Variants in APBB2 observed in about 807,000 individuals in gnomAD.
APBB2 encodes Fe65-like 1.
APBB2 carries 38 observed loss-of-function variants against 82.5 expected under a neutral mutation model. The observed-to-expected ratio is 0.46, with a 90% CI of 0.36 to 0.60. The LOEUF (loss-of-function observed/expected upper bound fraction) is 0.60. APBB2 is among the 20% of genes least tolerant of loss of function. APBB2 has a pLI of 0.00. For missense variants in APBB2, 772 were observed against 972.3 expected (o/e 0.79, Z 2.74); for synonymous variants, 341 against 368.2 (o/e 0.93, Z 0.85).
intron 10 of APBB2, among the ~76,000 whole-genome samples, chr4:40,897,965 C>G (rs978672618): frequency 6.6e-6 from 1 of 152,114 alleles, no homozygotes; most frequent in African/African-American, 2.4e-5. Flanking sequence ...AACATATACA[C>G]TTTGACTTAT....
At chr4:40,853,912 C>A (rs557176402) in intron 12 of APBB2, among the ~76,000 whole-genome samples, 1 of 152,300 alleles carries the variant, frequency 6.6e-6, no homozygotes, top group South Asian at 2.1e-4. Flanking sequence ...GTCTTCAAGA[C>A]ACTCGGCATA....
intron 1 of APBB2, among the ~76,000 whole-genome samples, chr4:41,175,206 C>A (rs75165515): frequency 2.6e-4 from 40 of 152,208 alleles, no homozygotes; most frequent in African/African-American, 9.4e-4. Context: ...AAAGTATATA[C>A]AGAGGAATTT....
At chr4:40,964,877 T>G (rs991691902) in intron 6 of APBB2, among the ~76,000 whole-genome samples, 1 of 151,674 alleles carries the variant, frequency 6.6e-6, no homozygotes, top group Non-Finnish European at 1.5e-5. Context: ...TCTTAGCACT[T>G]TGGGAGGCCA....
intron 6 of APBB2, among the ~76,000 whole-genome samples, chr4:40,987,559 T>C (rs1800723596): frequency 6.6e-6 from 1 of 152,190 alleles, no homozygotes; most frequent in South Asian, 2.1e-4. Flanking sequence ...CTCTTTGAAA[T>C]GTATTTAAAA....
rs1231769191 is a variant in APBB2 at position 41,027,364 on chromosome 4, C to CACACATATATAT, written c.19+5871_19+5872insATATATATGTGT. Among the ~76,000 whole-genome samples the CACACATATATAT allele has an allele frequency of 1.7e-4, 22 of 127,452 alleles. 1 individual carries two copies. The highest frequency in any genetic ancestry group is 6.5e-4 in the African/African-American group (22 of 34,060). 83.6% of individuals were successfully genotyped at this position (127,452 alleles called of 152,430 possible). A position where few individuals can be genotyped will look rare whatever the true frequency, so the allele number is the denominator to read the frequency against. On this transcript the variant is annotated intron_variant, in intron 5 of 17. Transcript: ENST00000508593. ...TTATATTTTTATAAACATATTGTTA[C>CACACATATATAT]ATATATATATATATATATATATATA...
At chr4:41,089,852 A>G (rs1305124117) in intron 3 of APBB2, among the ~76,000 whole-genome samples, 2 of 152,192 alleles carry the variant, frequency 1.3e-5, no homozygotes, top group Admixed American at 1.3e-4. Context: ...GATATGGAAA[A>G]GAGTGGTCAT....
chr4:41,119,953 C>T (rs1431171503), intron 2 of APBB2, among the ~76,000 whole-genome samples: 3 of 152,156 alleles, frequency 2.0e-5, no homozygotes, highest in South Asian at 2.1e-4. Context: ...TAACAGCATT[C>T]GGGTATTTTA....
In APBB2 at chr4:40,866,742, G is replaced by C. The variant is rs1194385138; in HGVS notation, c.1529+23622C>G. Among the ~76,000 whole-genome samples, 4 of 152,016 alleles carry C rather than the reference G, an allele frequency of 2.6e-5. No individual in the cohort carries two copies. The East Asian group carries it at 5.8e-4, about 22-fold the overall frequency. ...ATTATTTTATTTTATTTTTGAGACA[G>C]AGTCTCGCTCTGTCACCCAGGCTGG... On this transcript the variant is annotated intron_variant, in intron 12 of 17. Transcript: ENST00000508593.
intron 11 of APBB2, among the ~76,000 whole-genome samples, chr4:40,891,252 C>T (rs1771938994): frequency 6.6e-6 from 1 of 152,202 alleles, no homozygotes; most frequent in Non-Finnish European, 1.5e-5. Context: ...CTTTCAGAGT[C>T]TTACACTCTG....
chr4:40,851,409 G>C (rs973726544), intron 12 of APBB2, among the ~76,000 whole-genome samples: 1 of 152,200 alleles, frequency 6.6e-6, no homozygotes, highest in Non-Finnish European at 1.5e-5. Context: ...GGCTCTTACA[G>C]TGTTTTAAAA....
intron 6 of APBB2, among the ~76,000 whole-genome samples, chr4:40,950,986 A>G (rs1401464806): frequency 1.3e-5 from 2 of 152,220 alleles, no homozygotes; most frequent in Non-Finnish European, 2.9e-5. Context: ...GGAAGACAAA[A>G]CAGAATATAT....
intron 1 of APBB2, among the ~76,000 whole-genome samples, chr4:41,205,749 C>T (rs34921547): frequency 0.055 from 8,428 of 152,252 alleles, 371 homozygotes; most frequent in Non-Finnish European, 0.091. Context: ...TATCTCACAT[C>T]AAGTATTGTT....
chr4:40,858,692 T>C (rs1762059652), intron 12 of APBB2, among the ~76,000 whole-genome samples: 1 of 152,192 alleles, frequency 6.6e-6, no homozygotes, highest in Non-Finnish European at 1.5e-5. Context: ...TGTTTTCTCA[T>C]TTGTTCAACA....
rs943547410 is a variant in APBB2, at chr4:41,163,603, G to A, written c.-416-20461C>T. Among the ~76,000 whole-genome samples the A allele has an allele frequency of 8.5e-5, 13 of 152,226 alleles. 1 individual carries two copies. The South Asian group carries it at 1.2e-3, about 15-fold the overall frequency. On this transcript the variant is annotated intron_variant, in intron 1 of 17. Coordinates refer to ENST00000508593, the MANE Select transcript of APBB2 (RefSeq NM_004307.2). ...TACACCTTTCAGATCATAAACAAGC[G>A]TCAGTCAAAAATTCTTGTCAACAGT...
chr4:41,117,169 T>G (rs1012930682), intron 2 of APBB2, among the ~76,000 whole-genome samples: 10 of 152,128 alleles, frequency 6.6e-5, no homozygotes, highest in Admixed American at 1.3e-4. Flanking sequence ...TGCATGGTCT[T>G]TAAGAAGATA....
intron 4 of APBB2, among the ~76,000 whole-genome samples, chr4:41,057,641 G>A (rs1298171040): frequency 6.6e-6 from 1 of 152,074 alleles, no homozygotes; most frequent in Non-Finnish European, 1.5e-5. Context: ...GGATTTTTGT[G>A]GCCTTTTGTG....
chr4:41,001,285 T>G (rs934413904), intron 6 of APBB2, among the ~76,000 whole-genome samples: 1 of 152,204 alleles, frequency 6.6e-6, no homozygotes, highest in South Asian at 2.1e-4. Flanking sequence ...TTAAATAGAC[T>G]TTCATGGGCA....
chr4:41,093,723 G>A (rs1013076420), intron 3 of APBB2, among the ~76,000 whole-genome samples: 3 of 152,160 alleles, frequency 2.0e-5, no homozygotes, highest in African/African-American at 4.8e-5. Context: ...GCGTGGTGGC[G>A]CACGCCTGTA....
chr4:41,209,628 T>C (rs1778830886), intron 1 of APBB2, among the ~76,000 whole-genome samples: 1 of 152,238 alleles, frequency 6.6e-6, no homozygotes, highest in Non-Finnish European at 1.5e-5. Context: ...TAGAGGTTTC[T>C]TTCTCAGACT....
Sources: allele counts gnomAD v4.1 joint callset (sites outside exome capture counted in the v4.1 genomes callset), GRCh38; gene constraint gnomAD v4.1.1; transcripts MANE v1.5; gene names NCBI Gene and HGNC (gene_info 2026-07-23, HGNC 2026-07-21).